LPAR1: variants seen among roughly 807,000 people sequenced by gnomAD.
LPAR1 encodes lysophosphatidic acid receptor 1.
A neutral mutation model predicts 23.8 loss-of-function variants in LPAR1; 5 were observed. The observed-to-expected ratio is 0.21, with a 90% confidence interval of 0.11 to 0.44. LPAR1 has a LOEUF of 0.44. LPAR1 is among the 20% of genes least tolerant of loss of function. The pLI is 0.99. For missense variants in LPAR1, 311 were observed against 482.8 expected, an observed-to-expected ratio of 0.64 and a Z score of 3.33; for synonymous variants, 160 against 164.7, an observed-to-expected ratio of 0.97 and a Z score of 0.22.
At chr9:110,981,467 C>T (rs897832251) in intron 2 of LPAR1, among the ~76,000 whole-genome samples, 1 of 151,898 alleles carries the variant, frequency 6.6e-6, no homozygotes, top group Admixed American at 6.6e-5. Flanking sequence ...TAATACTTAT[C>T]ATACTGTGAA....
At chr9:111,025,470 C>T (rs979197401) in intron 2 of LPAR1, among the ~76,000 whole-genome samples, 1 of 152,176 alleles carries the variant, frequency 6.6e-6, no homozygotes, top group Non-Finnish European at 1.5e-5. Flanking sequence ...GAATAGATTG[C>T]AAACATTTTC....
In LPAR1 at chr9:110,978,107, A is replaced by G. The variant is rs2096597833; in HGVS notation, c.-181-4549T>C. Reference sequence around the variant, plus strand: ...TATACTATATAAAAGAGAAAACTCTATTAACAGAAAATTTCTAGCTCATGT... The same window carrying G: ...TATACTATATAAAAGAGAAAACTCTGTTAACAGAAAATTTCTAGCTCATGT... On this transcript the variant is annotated intron_variant, in intron 2 of 5. Coordinates refer to ENST00000683809, the MANE Select transcript of LPAR1 (RefSeq NM_001351411.2). Among the ~76,000 whole-genome samples, 2 of 152,184 alleles carry G rather than the reference A, an allele frequency of 1.3e-5. 1 individual carries two copies. The highest frequency in any genetic ancestry group is 2.9e-5 in the Non-Finnish European group (2 of 68,024).
At chr9:111,026,069 T>C (rs899866902) in intron 2 of LPAR1, among the ~76,000 whole-genome samples, 2 of 152,180 alleles carry the variant, frequency 1.3e-5, no homozygotes, top group Admixed American at 6.5e-5. Flanking sequence ...GTGAAGAAAG[T>C]CAATGGTAGC....
chr9:110,954,428 C>G (rs1279000092), intron 4 of LPAR1, among the ~76,000 whole-genome samples: 3 of 152,076 alleles, frequency 2.0e-5, no homozygotes, highest in Non-Finnish European at 4.4e-5. Context: ...GAAAATTTCC[C>G]AAGTCTAGCA....
In LPAR1 at chr9:110,964,574, G is replaced by T. The variant is rs928389397; in HGVS notation, c.45+7499C>A. Among the ~76,000 whole-genome samples the T allele has an allele frequency of 1.2e-4, 19 of 152,056 alleles. 1 individual carries two copies. The South Asian group carries it at 3.7e-3, about 30-fold the overall frequency. ...TGTCAAAATGTTATTACTGAATCTAGGTGTTGGCTATATTGAGATTGTTAT... is the reference window on the plus strand; with the variant it reads ...TGTCAAAATGTTATTACTGAATCTATGTGTTGGCTATATTGAGATTGTTAT... On this transcript the variant is annotated intron_variant, in intron 4 of 5. Coordinates refer to ENST00000683809, the MANE Select transcript of LPAR1 (RefSeq NM_001351411.2).
At chr9:110,949,776 C>G (rs1223723320) in intron 4 of LPAR1, among the ~76,000 whole-genome samples, 1 of 152,118 alleles carries the variant, frequency 6.6e-6, no homozygotes, top group East Asian at 1.9e-4. Context: ...TCAAGATACA[C>G]ACAAACACAC....
intron 5 of LPAR1, among the ~76,000 whole-genome samples, chr9:110,890,483 T>C (rs1000894493): frequency 1.3e-5 from 2 of 151,126 alleles, no homozygotes; most frequent in African/African-American, 4.9e-5. Flanking sequence ...AAAACAAATC[T>C]CCCCCCCACA....
chr9:110,928,994 A>G (rs563098150), intron 5 of LPAR1, among the ~76,000 whole-genome samples: 102 of 152,316 alleles, frequency 6.7e-4, no homozygotes, highest in South Asian at 6.4e-3. Flanking sequence ...TTTAGAATGA[A>G]CTCATGGAAA....
chr9:110,875,667 G>C lies in LPAR1; in HGVS notation c.849C>G (p.Cys283Trp). ...PGLVLLLLDV[C>W]CPQCDVLAYE... ...AGGCCAGCACGTCGCACTGTGGACA[G>C]CACACGTCTAGAAGTAACAAAACCA... The change falls in exon 6 of 6, where the codon TGC (cysteine) becomes TGG (tryptophan). Residue 283 changes from cysteine (C) to tryptophan (W), a missense_variant. Physicochemically the swap from Cys to Trp is radical, Grantham distance 215. This residue lies in a region of LPAR1 where 250 missense variants were observed against 427.2 expected (regional missense o/e 0.59). Transcript: ENST00000683809. 6.2e-7 allele frequency: 1 copy of C among 1,613,838 alleles called. No individual in the cohort carries two copies. The highest frequency in any genetic ancestry group is 1.3e-5 in the African/African-American group (1 of 75,040).
intron 5 of LPAR1, among the ~76,000 whole-genome samples, chr9:110,929,698 ATGTGTGTGTG>A (rs71371696): frequency 0.03 from 4,429 of 146,332 alleles, 204 homozygotes; most frequent in African/African-American, 0.1. Context: ...CCAGCCAATA[ATGTGTGTGTG>A]TGTGTGTGTG....
chr9:110,888,122 A>C (rs73655652), intron 5 of LPAR1, among the ~76,000 whole-genome samples: 1 of 152,164 alleles, frequency 6.6e-6, no homozygotes, highest in Non-Finnish European at 1.5e-5. Context: ...GTTTAGAACA[A>C]CAAATCATAA....
At chr9:110,971,664 CAG>C (rs2096424306) in intron 4 of LPAR1, among the ~76,000 whole-genome samples, 1 of 152,140 alleles carries the variant, frequency 6.6e-6, no homozygotes, top group Non-Finnish European at 1.5e-5. Context: ...GACAACAAGA[CAG>C]CCCTCAGAAA....
At chr9:110,984,819 T>G in intron 2 of LPAR1, among the ~76,000 whole-genome samples, 1 of 149,406 alleles carries the variant, frequency 6.7e-6, no homozygotes, top group East Asian at 1.9e-4. Context: ...AAAAAAGCTA[T>G]ACAGTTGAAA....
chr9:111,003,159 G>A (rs996421388), intron 2 of LPAR1, among the ~76,000 whole-genome samples: 28 of 152,114 alleles, frequency 1.8e-4, no homozygotes, highest in Admixed American at 6.5e-5. Flanking sequence ...TTTTATCAAC[G>A]ACTACATTAA....
intron 2 of LPAR1, among the ~76,000 whole-genome samples, chr9:110,975,114 A>T (rs2096527657): frequency 6.6e-6 from 1 of 152,216 alleles, no homozygotes; most frequent in South Asian, 2.1e-4. Context: ...TTCCATTCTT[A>T]AGGACGCATA....
chr9:111,018,811 A>G (rs188537296), intron 2 of LPAR1, among the ~76,000 whole-genome samples: 23 of 152,370 alleles, frequency 1.5e-4, no homozygotes, highest in African/African-American at 5.5e-4. Flanking sequence ...CGGAAATTAC[A>G]TAAAAGTTGT....
At chr9:110,972,940 C>T (rs1208398617) in intron 3 of LPAR1, among the ~76,000 whole-genome samples, 2 of 151,764 alleles carry the variant, frequency 1.3e-5, no homozygotes, top group African/African-American at 2.4e-5. Flanking sequence ...CAGAGAGACT[C>T]CTTCTCAAAA....
chr9:110,969,582 C>T (rs2096343000), intron 4 of LPAR1, among the ~76,000 whole-genome samples: 1 of 151,878 alleles, frequency 6.6e-6, no homozygotes, highest in African/African-American at 2.4e-5. Context: ...CATGGAGGCA[C>T]ACACCTATAA....
chr9:110,933,363 G>T (rs1303926694), intron 5 of LPAR1, among the ~76,000 whole-genome samples: 1 of 152,130 alleles, frequency 6.6e-6, no homozygotes, highest in Non-Finnish European at 1.5e-5. Flanking sequence ...TTCTCATGAG[G>T]ACACAACCTA....
Sources: gnomAD v4.1 joint callset for allele counts (sites outside exome capture counted in the v4.1 genomes callset) on GRCh38, gnomAD v4.1.1 for gene constraint, gnomAD v4.1.1 regional missense constraint, MANE v1.5 for transcripts, NCBI Gene and HGNC (gene_info 2026-07-23, HGNC 2026-07-21) for gene names.